ZFHX3: variants seen among roughly 807,000 people sequenced by gnomAD.
The protein encoded by ZFHX3 is zinc finger homeobox 3.
A neutral mutation model predicts 279.1 loss-of-function variants in ZFHX3; 42 were observed. That is an observed-to-expected ratio of 0.15 (90% CI 0.12 to 0.19). The LOEUF (loss-of-function observed/expected upper bound fraction) is 0.19. Ranked by LOEUF, ZFHX3 falls within the 10% of genes least tolerant of loss-of-function variation. The pLI is 1.00. For synonymous variants in ZFHX3, 2,293 were observed against 1,957.8 expected, an observed-to-expected ratio of 1.17 and a Z score of -4.52; for missense variants, 4,981 against 4,754.0, an observed-to-expected ratio of 1.05 and a Z score of -1.40.
chr16:73,364,325 T>G lies in ZFHX3; in HGVS notation c.-1290-45989A>C, dbSNP rs144474815. 3.6e-3 allele frequency among the ~76,000 whole-genome samples: 536 copies of G among 150,464 alleles called. 4 individuals carry two copies. The highest frequency in any genetic ancestry group is 0.018 in the Middle Eastern group (5 of 282). On this transcript the variant is annotated intron_variant, in intron 3 of 17. Transcript: ENST00000641206. ...TTAATTTTTTCCTGTTTATTTACAT[T>G]TTATAATAAATTCAATAATAATAGT...
At chr16:73,433,659 C>T (rs2017947088) in intron 3 of ZFHX3, among the ~76,000 whole-genome samples, 1 of 152,182 alleles carries the variant, frequency 6.6e-6, no homozygotes, top group African/African-American at 2.4e-5. Flanking sequence ...AGCCATAAAG[C>T]CTGCCACTTT....
chr16:73,512,319 G>A (rs1008634868), intron 2 of ZFHX3, among the ~76,000 whole-genome samples: 2 of 149,590 alleles, frequency 1.3e-5, no homozygotes, highest in African/African-American at 2.5e-5. Context: ...ATGGTGGTGC[G>A]TGTCTGTAGT....
chr16:73,204,982 A>G (rs1183921144), intron 5 of ZFHX3, among the ~76,000 whole-genome samples: 3 of 152,076 alleles, frequency 2.0e-5, no homozygotes, highest in East Asian at 1.9e-4. Context: ...TCTTACTACT[A>G]CTAAATTGTT....
chr16:72,957,762 G>A lies in ZFHX3; in HGVS notation c.2384C>T (p.Pro795Leu), dbSNP rs774031689. The A allele has an allele frequency of 7.4e-6, 12 of 1,613,972 alleles. No homozygotes were observed. Among genetic ancestry groups the A allele is most frequent in the Admixed American group, 5.0e-5 (3 of 60,012 alleles). The change falls in exon 2 of 10, where the codon CCG (proline) becomes CTG (leucine). Residue 795 changes from proline to leucine, a missense_variant. Physicochemically the swap from Pro to Leu is moderately conservative, Grantham distance 98 (BLOSUM62 -3). Transcript: ENST00000268489. ...NISSSCGAPS[P>L]TKPKTKPTWR... ...GGTGGGTTTGGTTTTTGGTTTGGTC[G>A]GCGAGGGGGCCCCGCAGGAGCTACT... is the stretch of plus-strand genomic sequence containing the variant.
At chr16:72,905,144 C>T (rs1229038037) in intron 3 of ZFHX3, among the ~76,000 whole-genome samples, 2 of 151,958 alleles carry the variant, frequency 1.3e-5, no homozygotes, top group African/African-American at 4.8e-5. Flanking sequence ...CCGGCCCTTT[C>T]TTTTGTGTAG....
At chr16:73,775,542 C>G (rs1212276640) in intron 1 of ZFHX3, among the ~76,000 whole-genome samples, 1 of 152,124 alleles carries the variant, frequency 6.6e-6, no homozygotes, top group African/African-American at 2.4e-5. Flanking sequence ...CCTTCACTAC[C>G]TGGTTTGGCC....
chr16:73,881,459 T>A (rs1354580647), intron 1 of ZFHX3, among the ~76,000 whole-genome samples: 3 of 69,062 alleles, frequency 4.3e-5, no homozygotes, highest in African/African-American at 1.4e-4. Flanking sequence ...ACACACTCTC[T>A]CTCTCTCTCT....
intron 4 of ZFHX3, among the ~76,000 whole-genome samples, chr16:73,299,234 A>G (rs62054723): frequency 0.077 from 11,752 of 152,234 alleles, 538 homozygotes; most frequent in Middle Eastern, 0.16. Flanking sequence ...CCAGATATTG[A>G]AATAAGTTAT....
At chr16:73,058,016 A>ACC in intron 1 of ZFHX3, among the ~76,000 whole-genome samples, 1 of 142,886 alleles carries the variant, frequency 7.0e-6, no homozygotes, top group Non-Finnish European at 1.6e-5. Flanking sequence ...GGCACTCGGC[A>ACC]CCGCGGACCC....
In ZFHX3 at chr16:73,791,366, T is replaced by C. The variant is rs557400646; in HGVS notation, c.-1608+100285A>G. The stretch of plus-strand genomic sequence containing the variant: ...GCATCGGAATTACTCCACCATCAAT[T>C]TCTGATTCAGTAAGCCTGACCCGGG... On this transcript the variant is annotated intron_variant, in intron 1 of 17. Transcript: ENST00000641206. 4.1e-4 allele frequency among the ~76,000 whole-genome samples: 63 copies of C among 152,286 alleles called. 1 individual carries two copies. The South Asian group carries it at 0.013, about 31-fold the overall frequency.
chr16:73,548,975 T>C (rs890143722), intron 2 of ZFHX3, among the ~76,000 whole-genome samples: 4 of 152,164 alleles, frequency 2.6e-5, no homozygotes, highest in Non-Finnish European at 5.9e-5. Flanking sequence ...AAAACAGGCA[T>C]TTGTTTTTGT....
At chr16:73,275,095 G>A (rs2014256697) in intron 4 of ZFHX3, among the ~76,000 whole-genome samples, 1 of 152,128 alleles carries the variant, frequency 6.6e-6, no homozygotes, top group South Asian at 2.1e-4. Context: ...ATATCACTGT[G>A]CAGTAGCCCG....
rs1415066745 is a variant in ZFHX3 at position 73,645,477 on chromosome 16, C to T, written c.-1547+34703G>A. The stretch of plus-strand genomic sequence containing the variant: ...TTCACCATGTTAGCCAGGATGGTTT[C>T]CATCTCCTGACCTCGTGATCTGCCC... On this transcript the variant is annotated intron_variant, in intron 2 of 17. Coordinates refer to the ZFHX3 transcript ENST00000641206. Among the ~76,000 whole-genome samples the T allele has an allele frequency of 5.3e-5, 8 of 152,270 alleles. No individual in the cohort carries two copies. In the South Asian group the frequency reaches 1.2e-3, roughly 24 times the overall value.
chr16:73,452,086 G>C, intron 3 of ZFHX3, among the ~76,000 whole-genome samples: 1 of 152,076 alleles, frequency 6.6e-6, no homozygotes. Context: ...CAGTGGGAGA[G>C]GCAGAAAAAG....
At chr16:73,818,423 C>T (rs759361046) in intron 1 of ZFHX3, among the ~76,000 whole-genome samples, 1 of 152,172 alleles carries the variant, frequency 6.6e-6, no homozygotes, top group African/African-American at 2.4e-5. Flanking sequence ...TCACGCTAAG[C>T]AATTTGATGT....
chr16:73,052,431 G>C (rs1458440742), upstream of ZFHX3, among the ~76,000 whole-genome samples: 2 of 151,908 alleles, frequency 1.3e-5, no homozygotes, highest in South Asian at 2.1e-4. Flanking sequence ...ATAGACAAAA[G>C]ATGACCTTTT....
intron 1 of ZFHX3, among the ~76,000 whole-genome samples, chr16:72,986,675 G>A (rs142574011): frequency 2.6e-5 from 4 of 152,232 alleles, no homozygotes; most frequent in Non-Finnish European, 4.4e-5. Context: ...TGTTCAAGAG[G>A]AACTGCAATG....
intron 3 of ZFHX3, among the ~76,000 whole-genome samples, chr16:72,896,170 G>A (rs1055257645): frequency 6.6e-6 from 1 of 152,172 alleles, no homozygotes; most frequent in Non-Finnish European, 1.5e-5. Context: ...GCACACGTTC[G>A]GGGGTCAACA....
intron 2 of ZFHX3, among the ~76,000 whole-genome samples, chr16:73,518,941 C>T (rs1416242067): frequency 2.6e-5 from 4 of 152,140 alleles, no homozygotes; most frequent in South Asian, 2.1e-4. Context: ...GGCAAAGCAG[C>T]GAAGGCAAGG....
Sources: allele counts gnomAD v4.1 joint callset (sites outside exome capture counted in the v4.1 genomes callset), GRCh38; gene constraint gnomAD v4.1.1; transcripts MANE v1.5; gene names NCBI Gene and HGNC (gene_info 2026-07-23, HGNC 2026-07-21).